Variants in EXT1 observed in about 807,000 individuals in gnomAD.
The protein encoded by EXT1 is exostosin-1.
Under a neutral mutation model 82.5 loss-of-function variants are expected in EXT1, and 20 were observed. The ratio of observed to expected loss-of-function variants is 0.24; its 90% CI spans 0.17 to 0.35. EXT1 has a LOEUF of 0.35. Among genes scored for constraint, EXT1 ranks in the 10% least tolerant of loss-of-function variants. The pLI, the probability that EXT1 is intolerant of heterozygous loss-of-function variation, is 1.00. For missense variants in EXT1, 757 were observed against 936.5 expected (o/e 0.81, Z 2.50); for synonymous variants, 348 against 350.8 (o/e 0.99, Z 0.09).
chr8:117,962,761 C>A (rs539809898), intron 1 of EXT1, among the ~76,000 whole-genome samples: 1,609 of 131,352 alleles, frequency 0.012, 40 homozygotes, highest in African/African-American at 0.062. Context: ...CCCCCACACC[C>A]CCCACCCCCA....
intron 1 of EXT1, among the ~76,000 whole-genome samples, chr8:118,037,836 G>GTTTTTTTTTTTTT (rs58862041): frequency 4.7e-5 from 5 of 107,438 alleles, no homozygotes; most frequent in African/African-American, 1.7e-4. Flanking sequence ...AGTGTTTTTT[G>GTTTTTTTTTTTTT]TTTTTTTTTT....
At chr8:117,868,529 A>T (rs192656117) in intron 1 of EXT1, among the ~76,000 whole-genome samples, 1 of 152,240 alleles carries the variant, frequency 6.6e-6, no homozygotes, top group Non-Finnish European at 1.5e-5. Flanking sequence ...ATAGCTTACC[A>T]CAGCCTCAAC....
At chr8:117,929,067 G>A (rs1422576379) in intron 1 of EXT1, among the ~76,000 whole-genome samples, 1 of 152,160 alleles carries the variant, frequency 6.6e-6, no homozygotes, top group Non-Finnish European at 1.5e-5. Context: ...GGGTGATAAT[G>A]AAGACACACA....
intron 1 of EXT1, among the ~76,000 whole-genome samples, chr8:118,067,640 G>T (rs1336655663): frequency 2.0e-5 from 3 of 152,214 alleles, no homozygotes; most frequent in Non-Finnish European, 4.4e-5. Context: ...ATTGGAAGTT[G>T]CAAGAATTAT....
chr8:118,093,268 C>CAAAAAAA (rs10594150), intron 1 of EXT1, among the ~76,000 whole-genome samples: 1 of 66,784 alleles, frequency 1.5e-5, no homozygotes, highest in Non-Finnish European at 2.6e-5. Flanking sequence ...AAATTCCCAG[C>CAAAAAAA]AAAAAAAAAA....
intron 1 of EXT1, among the ~76,000 whole-genome samples, chr8:118,097,832 A>G (rs2130014437): frequency 6.6e-6 from 1 of 152,330 alleles, no homozygotes; most frequent in Admixed American, 6.5e-5. Flanking sequence ...AATCTACTGG[A>G]GAGAGACAAA....
At chr8:117,861,488 C>CTTTTT (rs755653091) in intron 1 of EXT1, among the ~76,000 whole-genome samples, 18 of 86,842 alleles carry the variant, frequency 2.1e-4, no homozygotes, top group Admixed American at 3.1e-4. Flanking sequence ...AAGTTTTTAT[C>CTTTTT]TTTTTTTTTT....
chr8:117,850,436 T>C (rs907598534), intron 1 of EXT1, among the ~76,000 whole-genome samples: 3 of 152,224 alleles, frequency 2.0e-5, no homozygotes, highest in South Asian at 4.1e-4. Flanking sequence ...CAGTCGACCA[T>C]ATCCCTCTCC....
In EXT1 at chr8:117,920,482, T is replaced by C. The variant is rs941715789; in HGVS notation, c.963-83281A>G. 3.9e-5 allele frequency among the ~76,000 whole-genome samples: 6 copies of C among 152,134 alleles called. No individual in the cohort carries two copies. In the South Asian group the frequency reaches 1.2e-3, roughly 32 times the overall value. On this transcript the variant is annotated intron_variant, in intron 1 of 10. Coordinates refer to ENST00000378204, the MANE Select transcript of EXT1 (RefSeq NM_000127.3). ...TACCAATAAGTAAAACATTCCTAAA[T>C]CCCTCCTGTGTTCTTTCCCTGCATT...
chr8:117,851,938 T>C (rs1221568420), intron 1 of EXT1, among the ~76,000 whole-genome samples: 1 of 152,164 alleles, frequency 6.6e-6, no homozygotes, highest in Non-Finnish European at 1.5e-5. Context: ...GGCTTGGGAT[T>C]GCAATGAAAC....
chr8:117,871,322 C>T (rs148393874), intron 1 of EXT1, among the ~76,000 whole-genome samples: 4 of 152,302 alleles, frequency 2.6e-5, no homozygotes, highest in African/African-American at 9.6e-5. Flanking sequence ...AACATAAATG[C>T]ATGTACTGGA....
intron 1 of EXT1, among the ~76,000 whole-genome samples, chr8:117,867,737 T>G (rs906108589): frequency 2.6e-5 from 4 of 152,224 alleles, no homozygotes; most frequent in African/African-American, 9.6e-5. Context: ...AAAAAGCTCT[T>G]TTGCAGTTCG....
chr8:117,854,640 G>A (rs1433970003), intron 1 of EXT1, among the ~76,000 whole-genome samples: 2 of 152,230 alleles, frequency 1.3e-5, no homozygotes, highest in Non-Finnish European at 2.9e-5. Context: ...CAATGATAAT[G>A]ATGATATAAC....
At chr8:117,905,040 G>T (rs1813517825) in intron 1 of EXT1, among the ~76,000 whole-genome samples, 1 of 152,062 alleles carries the variant, frequency 6.6e-6, no homozygotes, top group African/African-American at 2.4e-5. Context: ...GACTTTAAAT[G>T]TGTCTTTCAA....
At chr8:117,807,787 A>G (rs983393121) in intron 8 of EXT1, among the ~76,000 whole-genome samples, 1 of 152,216 alleles carries the variant, frequency 6.6e-6, no homozygotes, top group Non-Finnish European at 1.5e-5. Context: ...TGAATATACA[A>G]CATATATCAT....
chr8:117,894,563 C>A (rs1813303075), intron 1 of EXT1, among the ~76,000 whole-genome samples: 1 of 152,180 alleles, frequency 6.6e-6, no homozygotes, highest in African/African-American at 2.4e-5. Flanking sequence ...TCCCCCAACA[C>A]CACCCCCATC....
intron 1 of EXT1, among the ~76,000 whole-genome samples, chr8:117,864,950 GTTT>G (rs879886077): frequency 2.0e-5 from 3 of 151,134 alleles, no homozygotes; most frequent in African/African-American, 7.3e-5. Context: ...AGTAGAAGCT[GTTT>G]TTTTTTAAAA....
At chr8:117,848,031 T>C (rs1257355204) in intron 1 of EXT1, among the ~76,000 whole-genome samples, 1 of 152,176 alleles carries the variant, frequency 6.6e-6, no homozygotes. Flanking sequence ...GAGCCTTTGG[T>C]ACCGAATACA....
intron 1 of EXT1, among the ~76,000 whole-genome samples, chr8:117,890,788 T>A (rs967288164): frequency 9.2e-5 from 14 of 152,222 alleles, no homozygotes; most frequent in Non-Finnish European, 1.6e-4. Flanking sequence ...TCCCATCTTG[T>A]AAGATCTAAA....
Sources: gnomAD v4.1 joint callset for allele counts (sites outside exome capture counted in the v4.1 genomes callset) on GRCh38, gnomAD v4.1.1 for gene constraint, MANE v1.5 for transcripts, NCBI Gene and HGNC (gene_info 2026-07-23, HGNC 2026-07-21) for gene names.